Variants in MAPK6 observed in about 807,000 individuals in gnomAD.
The protein encoded by MAPK6 is ERK-3.
MAPK6 carries 19 observed loss-of-function variants against 59.3 expected under a neutral mutation model. The ratio of observed to expected loss-of-function variants is 0.32; its 90% confidence interval spans 0.22 to 0.47. The LOEUF (loss-of-function observed/expected upper bound fraction) is 0.47. Ranked by LOEUF, MAPK6 falls within the 20% of genes least tolerant of loss-of-function variation. The probability of loss-of-function intolerance (pLI) is 1.00; values close to 1 mark genes in which losing one functional copy is unlikely to be tolerated. For missense variants in MAPK6, 724 were observed against 847.9 expected (o/e 0.85, Z 1.81); for synonymous variants, 316 against 290.3 (o/e 1.09, Z -0.90).
chr15:52,040,392 A>G (rs541848976), intron 1 of MAPK6, among the ~76,000 whole-genome samples: 1 of 152,338 alleles, frequency 6.6e-6, no homozygotes, highest in African/African-American at 2.4e-5. Context: ...GGATGGGGGA[A>G]GTGCTGTGCT....
At chr15:52,037,264 A>G (rs1438342263) in intron 1 of MAPK6, among the ~76,000 whole-genome samples, 1 of 152,242 alleles carries the variant, frequency 6.6e-6, no homozygotes, top group Non-Finnish European at 1.5e-5. Context: ...CCAAGTAAGC[A>G]TATGGTTCTC....
intron 1 of MAPK6, among the ~76,000 whole-genome samples, chr15:52,027,367 A>AAAAAAAAAAAC (rs2030840024): frequency 6.7e-6 from 1 of 149,694 alleles, no homozygotes; most frequent in Non-Finnish European, 1.5e-5. Flanking sequence ...AAAAAAAAAA[A>AAAAAAAAAAAC]AGAAAATGCC....
intron 1 of MAPK6, among the ~76,000 whole-genome samples, chr15:51,975,798 A>G (rs972803081): frequency 1.6e-4 from 25 of 151,692 alleles, no homozygotes; most frequent in African/African-American, 5.3e-4. Flanking sequence ...CAAGAGAGGA[A>G]CCTTGTAGTT....
intron 2 of MAPK6, among the ~76,000 whole-genome samples, chr15:51,991,018 C>T (rs2057206458): frequency 6.6e-6 from 1 of 151,972 alleles, no homozygotes; most frequent in Non-Finnish European, 1.5e-5. Flanking sequence ...ATCCTAGCTA[C>T]TCAGGAGGCT....
chr15:52,041,903 C>CT (rs200856242), intron 1 of MAPK6, among the ~76,000 whole-genome samples: 1 of 152,200 alleles, frequency 6.6e-6, no homozygotes, highest in Non-Finnish European at 1.5e-5. Context: ...GTTTACTTTT[C>CT]TTTTTAAAAA....
upstream of MAPK6, among the ~76,000 whole-genome samples, chr15:52,016,819 G>C (rs893053201): frequency 1.3e-5 from 2 of 152,146 alleles, no homozygotes; most frequent in African/African-American, 2.4e-5. Flanking sequence ...GGCAAGGCTG[G>C]TGGATCACCA....
At chr15:52,050,208 T>G in intron 3 of MAPK6, 71 bp downstream of exon 3, 1 of 1,295,996 alleles carries the variant, frequency 7.7e-7, no homozygotes, top group Non-Finnish European at 1.1e-6. Flanking sequence ...GAAGCAAGAT[T>G]CATATAAGAT....
At chr15:52,039,799 G>A (rs1325256919) in intron 1 of MAPK6, among the ~76,000 whole-genome samples, 1 of 152,100 alleles carries the variant, frequency 6.6e-6, no homozygotes. Flanking sequence ...TTACAAGTGT[G>A]AGCCACCACG....
chr15:52,066,661 T>G lies in MAPK6; in HGVS notation c.*1661T>G, dbSNP rs746116585. ...CAACTCCATCCTCTTCACCTCACTT[T>G]TCTTTCATCCTTGTTTTGTACAACA... On this transcript the variant is annotated 3_prime_UTR_variant, in exon 6 of 6. Coordinates refer to ENST00000261845, the MANE Select transcript of MAPK6 (RefSeq NM_002748.4). 2.0e-5 allele frequency: 3 copies of G among 151,612 alleles called. No individual in the cohort carries two copies. The highest frequency in any genetic ancestry group is 4.4e-5 in the Non-Finnish European group (3 of 67,756). The allele number at this position is 151,612 out of a possible 1,614,324, so 9.4% of individuals were successfully genotyped here. A position where few individuals can be genotyped will look rare whatever the true frequency, so the allele number is the denominator to read the frequency against.
intron 1 of MAPK6, among the ~76,000 whole-genome samples, chr15:52,039,359 T>C (rs1187751540): frequency 6.6e-6 from 1 of 152,144 alleles, no homozygotes. Flanking sequence ...CAACTAGAGA[T>C]AAGCAACAAA....
chr15:52,027,107 A>G (rs1488434677), intron 1 of MAPK6, among the ~76,000 whole-genome samples: 1 of 151,482 alleles, frequency 6.6e-6, no homozygotes, highest in Non-Finnish European at 1.5e-5. Context: ...TAATCCCAGG[A>G]CTTTGGGAGG....
intron 3 of MAPK6, among the ~76,000 whole-genome samples, chr15:52,057,833 C>G (rs1222250885): frequency 2.6e-5 from 4 of 152,196 alleles, no homozygotes; most frequent in African/African-American, 9.6e-5. Context: ...AGCTTACTCT[C>G]TTTTTCTTTA....
chr15:51,984,254 A>C (rs2057183176), intron 2 of MAPK6, among the ~76,000 whole-genome samples: 1 of 152,112 alleles, frequency 6.6e-6, no homozygotes, highest in South Asian at 2.1e-4. Context: ...AAAGCCAGTT[A>C]GGAAACTGGA....
At chr15:52,039,025 A>G (rs2031330661) in intron 1 of MAPK6, among the ~76,000 whole-genome samples, 1 of 152,202 alleles carries the variant, frequency 6.6e-6, no homozygotes. Context: ...GTAAATCTGT[A>G]ACTAGGAGAT....
chr15:52,040,664 C>G (rs926526796), intron 1 of MAPK6, among the ~76,000 whole-genome samples: 1 of 152,164 alleles, frequency 6.6e-6, no homozygotes, highest in African/African-American at 2.4e-5. Context: ...TACACTTAGG[C>G]TTGACTCCCA....
chr15:52,062,067 A>ATTTT (rs59641315), intron 5 of MAPK6, among the ~76,000 whole-genome samples: 1,464 of 137,480 alleles, frequency 0.011, 44 homozygotes, highest in African/African-American at 0.038. Context: ...TAGATGCAGG[A>ATTTT]TTTTTTTTTT....
At chr15:52,008,569 A>G (rs1292915359) in intron 3 of MAPK6, among the ~76,000 whole-genome samples, 1 of 152,196 alleles carries the variant, frequency 6.6e-6, no homozygotes, top group South Asian at 2.1e-4. Context: ...TATTGCATCT[A>G]TCTCCTCTGC....
chr15:52,021,002 G>GA (rs1490060228), intron 1 of MAPK6, among the ~76,000 whole-genome samples: 9 of 152,264 alleles, frequency 5.9e-5, no homozygotes, highest in Admixed American at 3.9e-4. Context: ...GACTATTTTA[G>GA]AAAAAACTTC....
intron 1 of MAPK6, among the ~76,000 whole-genome samples, chr15:52,042,029 AC>A (rs2031437782): frequency 6.6e-6 from 1 of 152,236 alleles, no homozygotes; most frequent in Non-Finnish European, 1.5e-5. Context: ...CTTATCAAAT[AC>A]CAAATAATGG....
Sources: allele counts gnomAD v4.1 joint callset (sites outside exome capture counted in the v4.1 genomes callset), GRCh38; gene constraint gnomAD v4.1.1; transcripts MANE v1.5; gene names NCBI Gene and HGNC (gene_info 2026-07-23, HGNC 2026-07-21).